The following SNX7 variants were observed in gnomAD, a reference collection of about 807,000 sequenced individuals.
SNX7 encodes the protein sorting nexin-7.
Under a neutral mutation model 48.4 loss-of-function variants are expected in SNX7, and 35 were observed. That is an observed-to-expected ratio of 0.72 (90% CI 0.55 to 0.96). The LOEUF is 0.96. SNX7 is among the 40% of genes least tolerant of loss of function. The probability of loss-of-function intolerance (pLI) is 0.00; values close to 1 mark genes in which losing one functional copy is unlikely to be tolerated. For synonymous variants in SNX7, 190 were observed against 190.2 expected (o/e 1.00, Z 0.01); for missense variants, 553 against 548.9 (o/e 1.01, Z -0.07).
intron 2 of SNX7, among the ~76,000 whole-genome samples, chr1:98,687,253 G>A (rs564718143): frequency 4.3e-4 from 66 of 151,906 alleles, no homozygotes; most frequent in African/African-American, 1.6e-3. Flanking sequence ...AGCTGAGCTG[G>A]GATTTAAATC....
chr1:98,689,637 G>A (rs1472246193), intron 2 of SNX7, among the ~76,000 whole-genome samples: 2 of 152,022 alleles, frequency 1.3e-5, no homozygotes, highest in Non-Finnish European at 2.9e-5. Flanking sequence ...GTTCGTTATG[G>A]CAATTTATAT....
intron 5 of SNX7, among the ~76,000 whole-genome samples, chr1:98,695,979 G>A (rs565319282): frequency 2.4e-4 from 37 of 152,290 alleles, no homozygotes; most frequent in Non-Finnish European, 5.1e-4. Context: ...GTTAAAGATT[G>A]TGGATGTGGT....
intron 8 of SNX7, among the ~76,000 whole-genome samples, chr1:98,748,637 A>AACACACAC (rs58973289): frequency 0.18 from 25,571 of 145,678 alleles, 2,320 homozygotes; most frequent in South Asian, 0.23. Context: ...AAATGATTTA[A>AACACACAC]ACACACACAC....
chr1:98,702,777 G>T (rs1651816518), intron 7 of SNX7, among the ~76,000 whole-genome samples: 1 of 151,990 alleles, frequency 6.6e-6, no homozygotes, highest in African/African-American at 2.4e-5. Flanking sequence ...TGGGAAAAAT[G>T]GACTTTTAAC....
chr1:98,726,759 T>A (rs1653196337), intron 7 of SNX7, among the ~76,000 whole-genome samples: 1 of 152,178 alleles, frequency 6.6e-6, no homozygotes, highest in Non-Finnish European at 1.5e-5. Flanking sequence ...CTAAGGCAAC[T>A]GTTAAGGTAG....
chr1:98,684,203 A>G (rs1353456723), intron 1 of SNX7, among the ~76,000 whole-genome samples: 1 of 152,160 alleles, frequency 6.6e-6, no homozygotes, highest in African/African-American at 2.4e-5. Context: ...TTACCACTTG[A>G]CGATCAGATC....
At chr1:98,726,390 C>CAGA (rs1653172036) in intron 7 of SNX7, among the ~76,000 whole-genome samples, 1 of 152,130 alleles carries the variant, frequency 6.6e-6, no homozygotes, top group African/African-American at 2.4e-5. Context: ...GACCTAAAGC[C>CAGA]AGAAGCATTT....
chr1:98,680,622 C>T (rs1275196056), intron 1 of SNX7, among the ~76,000 whole-genome samples: 1 of 152,180 alleles, frequency 6.6e-6, no homozygotes, highest in Non-Finnish European at 1.5e-5. Context: ...TCAGAAATTT[C>T]ATCCACTAGA....
intron 7 of SNX7, among the ~76,000 whole-genome samples, chr1:98,702,893 G>A (rs896187224): frequency 6.6e-6 from 1 of 151,920 alleles, no homozygotes; most frequent in Non-Finnish European, 1.5e-5. Flanking sequence ...CTTACATCAG[G>A]TGAGCGGGGG....
intron 8 of SNX7, among the ~76,000 whole-genome samples, chr1:98,752,405 T>G (rs1351399020): frequency 2.6e-5 from 4 of 152,050 alleles, no homozygotes; most frequent in Non-Finnish European, 5.9e-5. Context: ...GGCAATTACA[T>G]TTATTTAATT....
chr1:98,686,268 A>G (rs1385717956), intron 2 of SNX7, among the ~76,000 whole-genome samples: 5 of 152,184 alleles, frequency 3.3e-5, no homozygotes, highest in African/African-American at 4.8e-5. Context: ...AATGTAAAAC[A>G]TAAGAGTCAA....
At position 98,695,549 on chromosome 1, in the gene SNX7, G is replaced by C; in HGVS notation, c.671G>C (p.Gly224Ala). 1 of 1,614,088 alleles carries C rather than the reference G, an allele frequency of 6.2e-7. No homozygotes were observed. Residue 224 changes from glycine to alanine, a missense_variant, in exon 5 of 9, where the codon GGC (glycine) becomes GCC (alanine). Physicochemically the swap from Gly to Ala is moderately conservative, Grantham distance 60. Coordinates refer to ENST00000306121, the MANE Select transcript of SNX7 (RefSeq NM_015976.5). ...TCTTCTCACAAGAAGCAAGGTCCTGGCTTGCTAAGCAGGATGGGGCAAACC... is the reference window on the plus strand; with the variant it reads ...TCTTCTCACAAGAAGCAAGGTCCTGCCTTGCTAAGCAGGATGGGGCAAACC... ...ELSSHKKQGPGLLSRMGQTVR... is the reference protein window; with the variant it reads ...ELSSHKKQGPALLSRMGQTVR...
chr1:98,716,053 A>G (rs866006656), intron 7 of SNX7, among the ~76,000 whole-genome samples: 1 of 152,018 alleles, frequency 6.6e-6, no homozygotes, highest in Admixed American at 6.6e-5. Flanking sequence ...TATTTTCCGT[A>G]TTTGTAGTTC....
At chr1:98,734,389 G>A (rs1326784009) in intron 7 of SNX7, among the ~76,000 whole-genome samples, 1 of 152,104 alleles carries the variant, frequency 6.6e-6, no homozygotes, top group African/African-American at 2.4e-5. Flanking sequence ...CCACAGACAA[G>A]CTTGTCCAAT....
chr1:98,745,942 A>G (rs17384484), intron 8 of SNX7, among the ~76,000 whole-genome samples: 29,812 of 151,992 alleles, frequency 0.2, 3,906 homozygotes, highest in Non-Finnish European at 0.29. Context: ...TGATTATTTA[A>G]TGATTAACCT....
chr1:98,702,885 T>G (rs1651822603), intron 7 of SNX7, among the ~76,000 whole-genome samples: 1 of 152,096 alleles, frequency 6.6e-6, no homozygotes, highest in Non-Finnish European at 1.5e-5. Flanking sequence ...TGAGTGCACT[T>G]ACATCAGGTG....
At chr1:98,740,425 C>G (rs1030350781) in intron 8 of SNX7, among the ~76,000 whole-genome samples, 5 of 151,964 alleles carry the variant, frequency 3.3e-5, no homozygotes, top group African/African-American at 1.2e-4. Context: ...AAGAAAATGC[C>G]TTAAATTAAA....
chr1:98,666,927 G>A (rs1308266190), intron 1 of SNX7, among the ~76,000 whole-genome samples: 3 of 152,154 alleles, frequency 2.0e-5, no homozygotes, highest in Admixed American at 6.5e-5. Context: ...AGCCCTAGCC[G>A]AAGTCCCTGG....
chr1:98,732,433 A>T (rs1425825999), intron 7 of SNX7, among the ~76,000 whole-genome samples: 1 of 152,106 alleles, frequency 6.6e-6, no homozygotes, highest in African/African-American at 2.4e-5. Context: ...CAGGTAGGGG[A>T]GTAGTCAATT....
Sources: allele counts gnomAD v4.1 joint callset (sites outside exome capture counted in the v4.1 genomes callset), GRCh38; gene constraint gnomAD v4.1.1; transcripts MANE v1.5; gene names NCBI Gene and HGNC (gene_info 2026-07-23, HGNC 2026-07-21).